CATSPERB: variants seen among roughly 807,000 people sequenced by gnomAD.
CATSPERB encodes cation channel sperm-associated auxiliary subunit beta.
In CATSPERB, 93 loss-of-function variants were observed where a neutral mutation model predicts 128.3. The ratio of observed to expected loss-of-function variants is 0.72; its 90% CI spans 0.61 to 0.86. CATSPERB has a LOEUF of 0.86. CATSPERB is among the 40% of genes least tolerant of loss of function. The probability of loss-of-function intolerance (pLI) is 0.00; values close to 1 mark genes in which losing one functional copy is unlikely to be tolerated. For missense variants in CATSPERB, 1,153 were observed against 1,329.5 expected, an observed-to-expected ratio of 0.87 and a Z score of 2.06; for synonymous variants, 381 against 448.8, an observed-to-expected ratio of 0.85 and a Z score of 1.91.
At chr14:91,623,369 T>C (rs1894091967) in intron 18 of CATSPERB, among the ~76,000 whole-genome samples, 1 of 152,228 alleles carries the variant, frequency 6.6e-6, no homozygotes, top group African/African-American at 2.4e-5. Flanking sequence ...TATCCTTTAA[T>C]GATTCTCCTC....
chr14:91,704,810 T>C (rs1895709822), intron 6 of CATSPERB, 109 bp from the exon 7 acceptor site: 2 of 1,130,106 alleles, frequency 1.8e-6, no homozygotes, highest in Non-Finnish European at 2.5e-6. Flanking sequence ...ATTCTATAGT[T>C]CAAAAAAGGT....
rs1012725042 is a variant in CATSPERB, at chr14:91,725,891, TA to T, written c.80-724del. Among the ~76,000 whole-genome samples, 84 of 152,210 alleles carry T rather than the reference TA, an allele frequency of 5.5e-4. 1 individual carries two copies. Among genetic ancestry groups the T allele is most frequent in the African/African-American group, 1.9e-3 (78 of 41,528 alleles). ...CACCATGGCCCCTATCCTATACCCA[TA>T]TAAACCCCAGACCCCAGGCCTCAGA... On this transcript the variant is annotated intron_variant, in intron 2 of 26. Coordinates refer to ENST00000256343, the MANE Select transcript of CATSPERB (RefSeq NM_024764.4).
At chr14:91,685,229 C>T (rs990577952) in intron 10 of CATSPERB, among the ~76,000 whole-genome samples, 1 of 152,242 alleles carries the variant, frequency 6.6e-6, no homozygotes, top group East Asian at 1.9e-4. Context: ...GACTGGCCGC[C>T]AACGAATTTT....
intron 7 of CATSPERB, among the ~76,000 whole-genome samples, chr14:91,701,910 CAAAA>C (rs68037916): frequency 1.4e-5 from 2 of 138,476 alleles, no homozygotes; most frequent in Admixed American, 7.1e-5. Context: ...GACCCTGTCT[CAAAA>C]AAAAAAAAAA....
intron 20 of CATSPERB, among the ~76,000 whole-genome samples, chr14:91,611,087 G>A (rs891270260): frequency 6.6e-6 from 1 of 152,006 alleles, no homozygotes; most frequent in Non-Finnish European, 1.5e-5. Context: ...CAAGTCAGTG[G>A]TATTTTGTTG....
intron 20 of CATSPERB, 125 bp from the exon 21 acceptor site, chr14:91,610,802 T>G: frequency 1.1e-6 from 1 of 880,132 alleles, no homozygotes; most frequent in Non-Finnish European, 1.7e-6. Context: ...TATTTGGAGA[T>G]AGGGCCTTTA....
chr14:91,637,836 A>T (rs755846595), intron 16 of CATSPERB, among the ~76,000 whole-genome samples: 1 of 152,180 alleles, frequency 6.6e-6, no homozygotes, highest in Non-Finnish European at 1.5e-5. Flanking sequence ...ACATAAGGGA[A>T]CTAAGAAACT....
intron 13 of CATSPERB, among the ~76,000 whole-genome samples, chr14:91,670,717 C>T (rs148936016): frequency 6.6e-6 from 1 of 152,038 alleles, no homozygotes; most frequent in East Asian, 1.9e-4. Flanking sequence ...AAATATGCCA[C>T]TTTTGGCCAG....
rs1196754578 is a variant in CATSPERB, at chr14:91,639,235, C to T, written c.1448G>A (p.Ser483Asn). The change falls in exon 16 of 27, where the codon AGT (serine) becomes AAT (asparagine). Residue 483 changes from serine (S) to asparagine (N), a missense_variant. Transcript: ENST00000256343. ...TCTCTCAGTAACACTTCCGACTGCA[C>T]TGTATCTTCCCATTCCTATTAGGAA... is the stretch of plus-strand genomic sequence containing the variant. ...YSTKAGMGRY[S>N]AVGSVTERIF... 4 of 1,613,348 alleles carry T rather than the reference C, an allele frequency of 2.5e-6. No homozygotes were observed. Among genetic ancestry groups the T allele is most frequent in the Non-Finnish European group, 3.4e-6 (4 of 1,179,656 alleles).
chr14:91,641,721 A>G (rs1894504566), intron 15 of CATSPERB, among the ~76,000 whole-genome samples: 1 of 105,254 alleles, frequency 9.5e-6, no homozygotes, highest in African/African-American at 3.9e-5. Context: ...TGAACTTTAA[A>G]GTAGTTTTTT....
chr14:91,692,478 A>T (rs1663229879), intron 9 of CATSPERB, among the ~76,000 whole-genome samples: 1 of 152,240 alleles, frequency 6.6e-6, no homozygotes. Flanking sequence ...GTACTTTCTC[A>T]GAGATGGTGA....
intron 17 of CATSPERB, among the ~76,000 whole-genome samples, chr14:91,625,445 T>G (rs1374742996): frequency 1.3e-5 from 2 of 152,084 alleles, no homozygotes; most frequent in Non-Finnish European, 2.9e-5. Flanking sequence ...AATATATTCA[T>G]TAGGGTAAAA....
chr14:91,678,331 G>A (rs975902413), intron 11 of CATSPERB, among the ~76,000 whole-genome samples: 60 of 152,284 alleles, frequency 3.9e-4, no homozygotes, highest in African/African-American at 1.4e-3. Context: ...GGCAAACAAA[G>A]TTCAGCCATG....
chr14:91,586,704 G>C (rs1351387911), intron 26 of CATSPERB, among the ~76,000 whole-genome samples: 3 of 152,214 alleles, frequency 2.0e-5, no homozygotes, highest in African/African-American at 7.2e-5. Flanking sequence ...ATATGAATAA[G>C]CAAAAATGAG....
chr14:91,662,477 T>G (rs114318845), intron 14 of CATSPERB, among the ~76,000 whole-genome samples: 167 of 152,352 alleles, frequency 1.1e-3, no homozygotes, highest in African/African-American at 3.8e-3. Context: ...CTGGATTACT[T>G]TTAGTAATTT....
intron 12 of CATSPERB, 24 bp downstream of exon 12, chr14:91,674,152 C>T (rs750638322): frequency 2.9e-6 from 4 of 1,386,738 alleles, no homozygotes; most frequent in Admixed American, 2.0e-5. Context: ...AATTTCTTAA[C>T]TTATAAAATA....
chr14:91,699,000 C>T (rs974691840), intron 7 of CATSPERB, among the ~76,000 whole-genome samples: 1 of 152,166 alleles, frequency 6.6e-6, no homozygotes, highest in African/African-American at 2.4e-5. Context: ...ATAATGGCCT[C>T]CAGCTCCATC....
At chr14:91,663,102 C>T (rs1487945966) in intron 14 of CATSPERB, among the ~76,000 whole-genome samples, 1 of 152,032 alleles carries the variant, frequency 6.6e-6, no homozygotes, top group Non-Finnish European at 1.5e-5. Flanking sequence ...TCCTCTTCTG[C>T]TTCCCCCTCC....
chr14:91,730,607 G>C lies in CATSPERB; in HGVS notation c.1-1128C>G, dbSNP rs183018551. Among the ~76,000 whole-genome samples the C allele has an allele frequency of 2.5e-3, 380 of 152,232 alleles. 5 individuals are homozygous for C. The highest frequency in any genetic ancestry group is 8.7e-3 in the African/African-American group (363 of 41,546). Reference sequence around the variant, plus strand: ...TGTGGACACTCTGGCTACTGCTTTTGCTATTAGTAATAAAGTCCTTCGTCT... The same window carrying C: ...TGTGGACACTCTGGCTACTGCTTTTCCTATTAGTAATAAAGTCCTTCGTCT... On this transcript the variant is annotated intron_variant, in intron 1 of 26. Coordinates refer to ENST00000256343, the MANE Select transcript of CATSPERB (RefSeq NM_024764.4).
Sources: gnomAD v4.1 joint callset for allele counts (sites outside exome capture counted in the v4.1 genomes callset) on GRCh38, gnomAD v4.1.1 for gene constraint, MANE v1.5 for transcripts, NCBI Gene and HGNC (gene_info 2026-07-23, HGNC 2026-07-21) for gene names.